The following CAVIN4 variants were observed in gnomAD, a reference collection of about 807,000 sequenced individuals.
CAVIN4 encodes caveolae associated protein 4.
Under a neutral mutation model 18.6 loss-of-function variants are expected in CAVIN4, and 10 were observed. That is an observed-to-expected ratio of 0.54 (90% CI 0.33 to 0.91). The LOEUF is 0.91. CAVIN4 is among the 40% of genes least tolerant of loss of function. The pLI is 0.02. For synonymous variants in CAVIN4, 173 were observed against 164.8 expected (o/e 1.05, Z -0.38); for missense variants, 459 against 440.5 (o/e 1.04, Z -0.38).
Position 100,583,065 on chromosome 9 carries a change from CAG to C in CAVIN4, c.409-2697_409-2696del, listed in dbSNP as rs528417935. Among the ~76,000 whole-genome samples, 10 of 152,278 alleles carry C rather than the reference CAG, an allele frequency of 6.6e-5. No individual in the cohort carries two copies. The East Asian group carries it at 1.5e-3, about 23-fold the overall frequency. On this transcript the variant is annotated intron_variant, in intron 1 of 1. Coordinates refer to ENST00000307584, the MANE Select transcript of CAVIN4 (RefSeq NM_001018116.2). ...TGGTGCCAAGGAATTCTGAGTAAAA[CAG>C]AGCATAGACCCATTCACTCAGTTTC...
chr9:100,580,221 G>A (rs1839413969), intron 1 of CAVIN4, among the ~76,000 whole-genome samples: 1 of 152,132 alleles, frequency 6.6e-6, no homozygotes, highest in South Asian at 2.1e-4. Context: ...CACCTGTGGG[G>A]AGGTTGAGGC....
rs528754097 is a variant in CAVIN4, at chr9:100,585,861, G to A, written c.505G>A (p.Val169Ile). Residue 169 changes from valine (V) to isoleucine (I), a missense_variant, in exon 2 of 2, where the codon GTA becomes ATA. Transcript: ENST00000307584. The part of the protein sequence containing the change: ...EDDDDIFDPP[V>I]DLSSDEEYYV... ...TGATGATGATATCTTTGATCCCCCA[G>A]TAGATCTGTCTTCGGATGAAGAATA... The A allele has an allele frequency of 1.2e-6, 2 of 1,614,146 alleles. No homozygotes were observed. The highest frequency in any genetic ancestry group is 1.7e-5 in the Admixed American group (1 of 60,026).
rs1257391281 is a variant in CAVIN4, at chr9:100,586,150, C to T, written c.794C>T (p.Ser265Leu). 1.3e-6 allele frequency: 2 copies of T among 1,571,658 alleles called. No individual in the cohort carries two copies. Among genetic ancestry groups the T allele is most frequent in the Non-Finnish European group, 1.7e-6 (2 of 1,161,606 alleles). ...AAATCTATTTCTAATGCAGCTCCCT[C>T]AAAGGAAGCTTTTAAGATGCGCAGC... is the stretch of plus-strand genomic sequence containing the variant. ...FKKSISNAAPSKEAFKMRSLR... is the reference protein window; with the variant it reads ...FKKSISNAAPLKEAFKMRSLR... Residue 265 changes from serine to leucine, a missense_variant, in exon 2 of 2, where the codon TCA (serine) becomes TTA (leucine). Coordinates refer to ENST00000307584, the MANE Select transcript of CAVIN4 (RefSeq NM_001018116.2).
At position 100,585,920 on chromosome 9, in the gene CAVIN4, GA is replaced by G. The variant is rs897651149; in HGVS notation, c.566del (p.Lys189SerfsTer30). ...VEESRSARLR[K>X]SGKEHIDNIK... Reference sequence around the variant, plus strand: ...AAGAAAGCAGATCTGCCAGGCTTAGGAAGTCAGGCAAGGAGCACATTGATAA... The same window carrying G: ...AAGAAAGCAGATCTGCCAGGCTTAGGAGTCAGGCAAGGAGCACATTGATAA... On this transcript the variant is annotated frameshift_variant, in exon 2 of 2. Transcript: ENST00000307584. The G allele has an allele frequency of 6.2e-6, 10 of 1,614,040 alleles. No individual in the cohort carries two copies. The Admixed American group carries it at 1.2e-4, about 19-fold the overall frequency.
chr9:100,586,538 G>T lies in CAVIN4; in HGVS notation c.*87G>T. ...GTAGTCGTCTACATTTCTGTGCCAT[G>T]TAGGAAAACATAAATGTATTTTTTT... On this transcript the variant is annotated 3_prime_UTR_variant, in exon 2 of 2. Transcript: ENST00000307584. The T allele has an allele frequency of 3.2e-6, 3 of 938,624 alleles. No individual in the cohort carries two copies. The highest frequency in any genetic ancestry group is 5.2e-5 in the East Asian group (2 of 38,766). The allele number at this position is 938,624 out of a possible 1,614,324, so 58.1% of individuals were successfully genotyped here.
Position 100,586,590 on chromosome 9 carries a change from T to C in CAVIN4, c.*139T>C, listed in dbSNP as rs1023064010. On this transcript the variant is annotated 3_prime_UTR_variant, in exon 2 of 2. Coordinates refer to ENST00000307584, the MANE Select transcript of CAVIN4 (RefSeq NM_001018116.2). ...CTTATATTTAAAATCTTGAAGATAA[T>C]ATAAATATTATTATCACTCTTTCTC... The C allele has an allele frequency of 1.8e-6, 1 of 557,544 alleles. No homozygotes were observed. The highest frequency in any genetic ancestry group is 1.9e-5 in the African/African-American group (1 of 52,166). The allele number at this position is 557,544 out of a possible 1,614,324, so 34.5% of individuals were successfully genotyped here. A position where few individuals can be genotyped will look rare whatever the true frequency, so the allele number is the denominator to read the frequency against.
chr9:100,579,891 A>T (rs1014724175), intron 1 of CAVIN4, among the ~76,000 whole-genome samples: 3 of 152,186 alleles, frequency 2.0e-5, no homozygotes, highest in Non-Finnish European at 4.4e-5. Context: ...CTGTTGACTG[A>T]TAAGGTTACA....
rs558927650 is a variant in CAVIN4 at position 100,585,547 on chromosome 9, A to T, written c.409-218A>T. Among the ~76,000 whole-genome samples, 3 of 152,310 alleles carry T rather than the reference A, an allele frequency of 2.0e-5. No individual in the cohort carries two copies. In the South Asian group the frequency reaches 6.2e-4, roughly 32 times the overall value. On this transcript the variant is annotated intron_variant, in intron 1 of 1. Coordinates refer to ENST00000307584, the MANE Select transcript of CAVIN4 (RefSeq NM_001018116.2). ...TACATGTGAGTTTACTTACAATTGG[A>T]TCTGAAAAATGGAGTGGTTAAGGTT...
Position 100,578,557 on chromosome 9 carries a change from C to T in CAVIN4, c.408+6C>T. 6.2e-7 allele frequency: 1 copy of T among 1,612,616 alleles called. No individual in the cohort carries two copies. Among genetic ancestry groups the T allele is most frequent in the Non-Finnish European group, 8.5e-7 (1 of 1,179,792 alleles). ...TCCGCGTGGTAATATTCCAGGTAAG[C>T]TTGCACTTGTGTTCAGCTTGCTTGT... On this transcript the variant is annotated splice_donor_region_variant and intron_variant, in intron 1 of 1. Coordinates refer to ENST00000307584, the MANE Select transcript of CAVIN4 (RefSeq NM_001018116.2).
In CAVIN4 at chr9:100,585,988, G is replaced by C; in HGVS notation, c.632G>C (p.Arg211Pro). ...AFSKENMQKT[R>P]QNLDKKVNRI... ...TCCAAAGAAAACATGCAGAAGACAC[G>C]GCAGAATCTTGACAAGAAAGTGAAC... The change falls in exon 2 of 2, where the codon CGG (arginine) becomes CCG (proline). Residue 211 changes from arginine to proline, a missense_variant. Arg to Pro is a moderately radical substitution (Grantham distance 103). Coordinates refer to ENST00000307584, the MANE Select transcript of CAVIN4 (RefSeq NM_001018116.2). 2 of 1,614,094 alleles carry C rather than the reference G, an allele frequency of 1.2e-6. No homozygotes were observed. Among genetic ancestry groups the C allele is most frequent in the Non-Finnish European group, 1.7e-6 (2 of 1,180,026 alleles).
chr9:100,585,116 G>A (rs1839463323), intron 1 of CAVIN4, among the ~76,000 whole-genome samples: 1 of 152,214 alleles, frequency 6.6e-6, no homozygotes, highest in South Asian at 2.1e-4. Context: ...CTTAGTTGAT[G>A]TTCTGGAGGT....
At chr9:100,578,638 A>G in intron 1 of CAVIN4, 87 bp downstream of exon 1, 4 of 1,257,838 alleles carry the variant, frequency 3.2e-6, no homozygotes, top group South Asian at 1.2e-5. Flanking sequence ...TTCCAGTGTC[A>G]CATCTTAACT....
At position 100,586,813 on chromosome 9, in the gene CAVIN4, C is replaced by A. The variant is rs1839485923; in HGVS notation, c.*362C>A. ...GTGTGGGTTATATCGTCCAGATGTT[C>A]AGATCAACAGATTTGTTAGTAAATT... On this transcript the variant is annotated 3_prime_UTR_variant, in exon 2 of 2. Transcript: ENST00000307584. 6.3e-6 allele frequency: 1 copy of A among 159,686 alleles called. No homozygotes were observed. Among genetic ancestry groups the A allele is most frequent in the Admixed American group, 6.4e-5 (1 of 15,714 alleles). The allele number at this position is 159,686 out of a possible 1,614,324, so 9.9% of individuals were successfully genotyped here.
chr9:100,579,660 G>T (rs1839408006), intron 1 of CAVIN4, among the ~76,000 whole-genome samples: 1 of 152,174 alleles, frequency 6.6e-6, no homozygotes, highest in African/African-American at 2.4e-5. Context: ...AGGAATGTGT[G>T]TAGGAATGTT....
rs778284038 is a variant in CAVIN4, at chr9:100,586,295, G to A, written c.939G>A (p.Glu313=). 181 of 1,612,786 alleles carry A rather than the reference G, an allele frequency of 1.1e-4. No homozygotes were observed. The highest frequency in any genetic ancestry group is 1.4e-4 in the Non-Finnish European group (169 of 1,179,248). Reference sequence around the variant, plus strand: ...CCATCAGTGAGCTCTACTCTGATGAGCTCAGTGAACCAGAACACGAGGCAG... The same window carrying A: ...CCATCAGTGAGCTCTACTCTGATGAACTCAGTGAACCAGAACACGAGGCAG... The part of the protein sequence containing the change: ...LGPISELYSD[E]LSEPEHEAAR... Residue 313 remains glutamate (E), a synonymous_variant, in exon 2 of 2, where the codon GAG becomes GAA. Coordinates refer to ENST00000307584, the MANE Select transcript of CAVIN4 (RefSeq NM_001018116.2).
chr9:100,578,428 A>T lies in CAVIN4; in HGVS notation c.285A>T (p.Lys95Asn). Reference sequence around the variant, plus strand: ...ACAAATTGTTTGAGAAAACCCGAAAAGTTAGTGCTCACATTAAAGATGTGA... The same window carrying T: ...ACAAATTGTTTGAGAAAACCCGAAATGTTAGTGCTCACATTAAAGATGTGA... Reference protein sequence around the residue: ...IINKLFEKTRKVSAHIKDVKA... With the variant: ...IINKLFEKTRNVSAHIKDVKA... The change falls in exon 1 of 2, where the codon AAA (lysine) becomes AAT (asparagine). Residue 95 changes from lysine to asparagine, a missense_variant. Lys to Asn is a moderately conservative substitution (Grantham distance 94). Coordinates refer to ENST00000307584, the MANE Select transcript of CAVIN4 (RefSeq NM_001018116.2). The T allele has an allele frequency of 1.2e-6, 2 of 1,614,162 alleles. No individual in the cohort carries two copies. The highest frequency in any genetic ancestry group is 1.7e-6 in the Non-Finnish European group (2 of 1,180,012).
At position 100,587,807 on chromosome 9, in the gene CAVIN4, C is replaced by T. The variant is rs1135455; in HGVS notation, c.*1356C>T. On this transcript the variant is annotated 3_prime_UTR_variant, in exon 2 of 2. Coordinates refer to ENST00000307584, the MANE Select transcript of CAVIN4 (RefSeq NM_001018116.2). ...CAGGAGGCTGAGACAGGAGAATTGC[C>T]TGAACCCAGGAGGCGGAGGTTGCAG... 84,489 of 151,924 alleles carry T rather than the reference C, an allele frequency of 0.56. 24,065 individuals are homozygous for T. Among genetic ancestry groups the T allele is most frequent in the Admixed American group, 0.62 (9,538 of 15,288 alleles). 9.4% of individuals were successfully genotyped at this position (151,924 alleles called of 1,614,324 possible). A position where few individuals can be genotyped will look rare whatever the true frequency, so the allele number is the denominator to read the frequency against.
upstream of CAVIN4, chr9:100,577,446 G>T (rs1487116297): frequency 6.6e-6 from 1 of 152,554 alleles, no homozygotes; most frequent in African/African-American, 2.4e-5. Context: ...AATTTGTCCT[G>T]TAGTAATAGA....
At position 100,585,784 on chromosome 9, in the gene CAVIN4, C is replaced by T. The variant is rs1387100456; in HGVS notation, c.428C>T (p.Thr143Ile). ...CTTCAGGAGAAGTTTCGGTGTCCGA[C>T]ATCCCTGTCTGTTGTTAAAGACAGA... ...VIFQEKFRCP[T>I]SLSVVKDRNL... The change falls in exon 2 of 2, where the codon ACA becomes ATA. Residue 143 changes from threonine (T) to isoleucine (I), a missense_variant. Transcript: ENST00000307584. 2 of 1,613,932 alleles carry T rather than the reference C, an allele frequency of 1.2e-6. No homozygotes were observed. Among genetic ancestry groups the T allele is most frequent in the Admixed American group, 3.3e-5 (2 of 59,998 alleles).
Sources: gnomAD v4.1 joint callset for allele counts (sites outside exome capture counted in the v4.1 genomes callset) on GRCh38, gnomAD v4.1.1 for gene constraint, MANE v1.5 for transcripts, NCBI Gene and HGNC (gene_info 2026-07-23, HGNC 2026-07-21) for gene names.